The following DHX35 variants were observed in gnomAD, a reference collection of about 807,000 sequenced individuals.
DHX35 encodes the protein DEAH-box helicase 35, also known as probable ATP-dependent RNA helicase DHX35.
In DHX35, 84 loss-of-function variants were observed where a neutral mutation model predicts 99.6. That is an observed-to-expected ratio of 0.84 (90% CI 0.71 to 1.01). The LOEUF (loss-of-function observed/expected upper bound fraction) is 1.01. Ranked by LOEUF, DHX35 falls within the 50% of genes least tolerant of loss-of-function variation. The pLI is 0.00. For missense variants in DHX35, 852 were observed against 888.5 expected (o/e 0.96, Z 0.52); for synonymous variants, 331 against 316.2 (o/e 1.05, Z -0.50).
At chr20:38,987,166 ATC>A (rs2086262822) in intron 4 of DHX35, among the ~76,000 whole-genome samples, 1 of 152,110 alleles carries the variant, frequency 6.6e-6, no homozygotes, top group African/African-American at 2.4e-5. Flanking sequence ...GCCCTGGGAA[ATC>A]TCTATTAATA....
intron 8 of DHX35, among the ~76,000 whole-genome samples, chr20:38,998,132 G>A (rs561163720): frequency 6.6e-6 from 1 of 152,324 alleles, no homozygotes; most frequent in Admixed American, 6.5e-5. Context: ...CCAATTAAAC[G>A]AACAATTATA....
chr20:38,991,369 A>AAG (rs1299317757), intron 5 of DHX35, 85 bp from the exon 6 acceptor site: 2 of 1,193,436 alleles, frequency 1.7e-6, no homozygotes, highest in Non-Finnish European at 2.4e-6. Flanking sequence ...CATGCTGGCA[A>AAG]AGAGGTTGCA....
chr20:38,976,515 T>C (rs187717406), intron 3 of DHX35, among the ~76,000 whole-genome samples: 195 of 152,258 alleles, frequency 1.3e-3, no homozygotes, highest in African/African-American at 4.3e-3. Flanking sequence ...TGTAATGTTT[T>C]GATATATGTA....
At chr20:38,974,403 A>G (rs1314274020) in intron 3 of DHX35, among the ~76,000 whole-genome samples, 1 of 152,218 alleles carries the variant, frequency 6.6e-6, no homozygotes, top group Non-Finnish European at 1.5e-5. Flanking sequence ...CCAATCTAAT[A>G]GATGGATATT....
intron 5 of DHX35, among the ~76,000 whole-genome samples, chr20:38,990,972 C>G (rs1005385228): frequency 2.6e-5 from 4 of 152,206 alleles, no homozygotes; most frequent in African/African-American, 9.7e-5. Context: ...TCCCAGCAGT[C>G]TGACACCATA....
intron 3 of DHX35, among the ~76,000 whole-genome samples, chr20:38,983,149 C>T (rs1177339862): frequency 3.3e-5 from 5 of 151,966 alleles, no homozygotes; most frequent in African/African-American, 4.8e-5. Flanking sequence ...CTGGTCTTGA[C>T]GTCAAGTGAT....
At chr20:38,972,696 G>A in intron 3 of DHX35, 45 bp downstream of exon 3, 1 of 1,368,836 alleles carries the variant, frequency 7.3e-7, no homozygotes, top group South Asian at 1.2e-5. Flanking sequence ...GATTTGGCTG[G>A]AAGAATTTTG....
rs1035106884 is a variant in DHX35 at position 39,038,670 on chromosome 20, C to T, written c.*127C>T. On this transcript the variant is annotated 3_prime_UTR_variant, in exon 22 of 22. Transcript: ENST00000252011. ...TGTTTGGTTGCTCTGAAGTGGGCTG[C>T]GGCCTGTTCATTAGTCCTTTCTTCC... The T allele has an allele frequency of 2.5e-5, 23 of 927,814 alleles. No homozygotes were observed. Among genetic ancestry groups the T allele is most frequent in the African/African-American group, 2.0e-4 (12 of 60,236 alleles). The allele number at this position is 927,814 out of a possible 1,614,324, so 57.5% of individuals were successfully genotyped here.
intron 18 of DHX35, among the ~76,000 whole-genome samples, chr20:39,026,206 A>G (rs558398350): frequency 3.3e-5 from 5 of 152,306 alleles, no homozygotes; most frequent in East Asian, 3.9e-4. Context: ...CCATGTGTTT[A>G]TTAATTTAAT....
intron 12 of DHX35, among the ~76,000 whole-genome samples, chr20:39,007,923 A>G (rs2086644230): frequency 3.3e-5 from 5 of 152,246 alleles, no homozygotes; most frequent in Admixed American, 3.3e-4. Context: ...ATAACACAAC[A>G]TTAAACACAT....
chr20:38,969,040 A>T (rs1256026403), intron 1 of DHX35, 41 bp from the exon 2 acceptor site: 3 of 1,551,984 alleles, frequency 1.9e-6, no homozygotes, highest in South Asian at 2.4e-5. Context: ...TTTTCTGTTC[A>T]TTGTATCAGA....
At chr20:38,964,589 C>T (rs534906040) in intron 1 of DHX35, among the ~76,000 whole-genome samples, 1 of 152,092 alleles carries the variant, frequency 6.6e-6, no homozygotes, top group East Asian at 1.9e-4. Context: ...TGCCACCACA[C>T]CTAGCTAATT....
chr20:39,036,864 C>T (rs2087161697), intron 21 of DHX35, among the ~76,000 whole-genome samples: 1 of 151,908 alleles, frequency 6.6e-6, no homozygotes, highest in Admixed American at 6.6e-5. Flanking sequence ...ATTAACTTGT[C>T]CAAAGCAGAT....
At chr20:39,006,381 T>G in intron 12 of DHX35, 25 bp downstream of exon 12, 1 of 1,607,644 alleles carries the variant, frequency 6.2e-7, no homozygotes, top group Non-Finnish European at 8.5e-7. Flanking sequence ...CCCTAAGGGT[T>G]TTTGACTTTC....
intron 5 of DHX35, among the ~76,000 whole-genome samples, chr20:38,990,921 G>A (rs1845546202): frequency 6.6e-6 from 1 of 152,138 alleles, no homozygotes; most frequent in Admixed American, 6.5e-5. Flanking sequence ...ACTTGTCCAA[G>A]GTTCACACAG....
In DHX35 at chr20:39,035,878, A is replaced by G. The variant is rs543036242; in HGVS notation, c.2067+1561A>G. Among the ~76,000 whole-genome samples, 3 of 152,304 alleles carry G rather than the reference A, an allele frequency of 2.0e-5. No individual in the cohort carries two copies. The South Asian group carries it at 6.2e-4, about 32-fold the overall frequency. Reference sequence around the variant, plus strand: ...TGTAATCAAACAAAAACCATTTCACACCTTTATAGTTCTTCACACATCCCA... The same window carrying G: ...TGTAATCAAACAAAAACCATTTCACGCCTTTATAGTTCTTCACACATCCCA... On this transcript the variant is annotated intron_variant, in intron 21 of 21. Transcript: ENST00000252011.
Position 38,973,013 on chromosome 20 carries a change from A to G in DHX35, c.267+362A>G, listed in dbSNP as rs16987714. Among the ~76,000 whole-genome samples the G allele has an allele frequency of 4.6e-3, 705 of 152,366 alleles. 8 individuals carry two copies. The highest frequency in any genetic ancestry group is 0.016 in the African/African-American group (679 of 41,582). ...GTTGTAAATAAAAATTGGCTGTTATAGTATTATGCAGTGCTATGGAAGAAC... is the reference window on the plus strand; with the variant it reads ...GTTGTAAATAAAAATTGGCTGTTATGGTATTATGCAGTGCTATGGAAGAAC... On this transcript the variant is annotated intron_variant, in intron 3 of 21. Coordinates refer to ENST00000252011, the MANE Select transcript of DHX35 (RefSeq NM_021931.4).
At chr20:38,984,730 G>T (rs1174208686) in intron 4 of DHX35, among the ~76,000 whole-genome samples, 1 of 152,040 alleles carries the variant, frequency 6.6e-6, no homozygotes, top group Non-Finnish European at 1.5e-5. Flanking sequence ...TTCATTTCAA[G>T]ATTTATAATA....
intron 15 of DHX35, among the ~76,000 whole-genome samples, chr20:39,019,709 C>T (rs2086842159): frequency 1.3e-5 from 2 of 151,990 alleles, no homozygotes; most frequent in South Asian, 4.2e-4. Context: ...TTTTTTTGTG[C>T]TAAGAATTTG....
Sources: allele counts gnomAD v4.1 joint callset (sites outside exome capture counted in the v4.1 genomes callset), GRCh38; gene constraint gnomAD v4.1.1; transcripts MANE v1.5; gene names NCBI Gene and HGNC (gene_info 2026-07-23, HGNC 2026-07-21).